Variants in TRIP12 observed in about 807,000 individuals in gnomAD.
TRIP12 encodes E3 ubiquitin-protein ligase TRIP12.
TRIP12 carries 25 observed loss-of-function variants against 244.2 expected under a neutral mutation model. The ratio of observed to expected loss-of-function variants is 0.10; its 90% CI spans 0.07 to 0.14. The LOEUF (loss-of-function observed/expected upper bound fraction) is 0.14. Among genes scored for constraint, TRIP12 ranks in the 10% least tolerant of loss-of-function variants. The probability of loss-of-function intolerance (pLI) is 1.00; values close to 1 mark genes in which losing one functional copy is unlikely to be tolerated. For synonymous variants in TRIP12, 905 were observed against 873.1 expected, an observed-to-expected ratio of 1.04 and a Z score of -0.64; for missense variants, 1,677 against 2,486.4, an observed-to-expected ratio of 0.67 and a Z score of 6.92.
At chr2:229,904,396 A>G (rs892922066) in intron 1 of TRIP12, among the ~76,000 whole-genome samples, 25 of 148,518 alleles carry the variant, frequency 1.7e-4, no homozygotes, top group African/African-American at 6.3e-4. Context: ...CCAGCCTGGG[A>G]AAGAGTGAGA....
At chr2:229,794,996 T>C (rs982602925) in intron 26 of TRIP12, 183 bp downstream of exon 26, 2 of 562,820 alleles carry the variant, frequency 3.6e-6, no homozygotes, top group South Asian at 3.1e-5. Flanking sequence ...TTAAGGCATA[T>C]GGTATAATTT....
intron 1 of TRIP12, among the ~76,000 whole-genome samples, chr2:229,914,853 C>T (rs2075070929): frequency 6.6e-6 from 1 of 152,056 alleles, no homozygotes; most frequent in Non-Finnish European, 1.5e-5. Context: ...GGTAATAACA[C>T]CATATTTATA....
At position 229,815,080 on chromosome 2, in the gene TRIP12, G is replaced by A. The variant is rs770778475; in HGVS notation, c.1731+19C>T. ...TCCCTATGCCTGCTTTTGAACAAAC[G>A]GGGTAAAAGTAGGATCACCTTTTCT... On this transcript the variant is annotated intron_variant, in intron 11 of 41. Coordinates refer to ENST00000675903, the MANE Select transcript of TRIP12 (RefSeq NM_001348323.3). The A allele has an allele frequency of 7.8e-5, 124 of 1,580,126 alleles. 2 individuals carry two copies. In the South Asian group the frequency reaches 9.6e-4, roughly 12 times the overall value.
chr2:229,798,742 A>C, intron 23 of TRIP12, 133 bp downstream of exon 23: 1 of 1,000,276 alleles, frequency 1.0e-6, no homozygotes. Context: ...CTAATTCTTG[A>C]ACTATGCTTT....
At position 229,886,581 on chromosome 2, in the gene TRIP12, C is replaced by T. The variant is rs376716247; in HGVS notation, c.-49-6453G>A. Among the ~76,000 whole-genome samples, 844 of 152,164 alleles carry T rather than the reference C, an allele frequency of 5.5e-3. 5 individuals are homozygous for T. Among genetic ancestry groups the T allele is most frequent in the Middle Eastern group, 0.014 (4 of 294 alleles). On this transcript the variant is annotated intron_variant, in intron 1 of 41. Transcript: ENST00000675903. ...GGTTCAAGCGATTCTTCTGCCTCACCTCAGCCTCCCGGGTAGCTGGGACTA... is the reference window on the plus strand; with the variant it reads ...GGTTCAAGCGATTCTTCTGCCTCACTTCAGCCTCCCGGGTAGCTGGGACTA...
chr2:229,809,144 T>C (rs935805847), intron 15 of TRIP12, among the ~76,000 whole-genome samples: 1 of 152,234 alleles, frequency 6.6e-6, no homozygotes, highest in Non-Finnish European at 1.5e-5. Context: ...TAAGTTCTGT[T>C]ATCAAGAAAA....
At chr2:229,797,344 G>A (rs2043068324) in intron 24 of TRIP12, among the ~76,000 whole-genome samples, 2 of 152,198 alleles carry the variant, frequency 1.3e-5, no homozygotes, top group Admixed American at 6.5e-5. Flanking sequence ...CCCATGTGAA[G>A]AGAGGGGCTA....
Position 229,798,882 on chromosome 2 carries a change from T to G in TRIP12, c.3475A>C (p.Asn1159His), listed in dbSNP as rs2043485544. 2 of 1,612,652 alleles carry G rather than the reference T, an allele frequency of 1.2e-6. No homozygotes were observed. Among genetic ancestry groups the G allele is most frequent in the Non-Finnish European group, 1.7e-6 (2 of 1,179,644 alleles). Residue 1159 changes from asparagine to histidine, a missense_variant, in exon 23 of 42, where the codon AAT (asparagine) becomes CAT (histidine). Physicochemically the swap from Asn to His is moderately conservative, Grantham distance 68. This residue lies in a region of TRIP12 where 572 missense variants were observed against 867.8 expected (regional missense o/e 0.66). Transcript: ENST00000675903. ...AAACTCCCCCCACTTCACCTATTAT[T>G]GGAGATGGTATCCTTTGAGGCAGCC... Reference protein sequence around the residue: ...ARAASKDTISNNREKIKGWIK... With the variant: ...ARAASKDTISHNREKIKGWIK...
Position 229,778,338 on chromosome 2 carries a change from T to C in TRIP12, c.5364+95A>G. ...ATGTGTATTGAAGTTTGAGAAGCATTGCTCTAAACTATAGCAGTAAACTAC... is the reference window on the plus strand; with the variant it reads ...ATGTGTATTGAAGTTTGAGAAGCATCGCTCTAAACTATAGCAGTAAACTAC... On this transcript the variant is annotated intron_variant, in intron 36 of 41. Coordinates refer to ENST00000675903, the MANE Select transcript of TRIP12 (RefSeq NM_001348323.3). The surrounding 1 kb of genome is among the most constrained non-coding windows in gnomAD (Gnocchi z 4.1). The C allele has an allele frequency of 6.9e-7, 1 of 1,441,936 alleles. No homozygotes were observed. Among genetic ancestry groups the C allele is most frequent in the South Asian group, 1.3e-5 (1 of 75,254 alleles). The allele number at this position is 1,441,936 out of a possible 1,614,324, so 89.3% of individuals were successfully genotyped here.
At chr2:229,850,583 C>G (rs1279652047) in intron 4 of TRIP12, among the ~76,000 whole-genome samples, 1 of 152,194 alleles carries the variant, frequency 6.6e-6, no homozygotes, top group African/African-American at 2.4e-5. Flanking sequence ...CGCTCGCTCT[C>G]GGCGCCTCCT....
At chr2:229,917,996 C>T (rs2154382658) in intron 1 of TRIP12, among the ~76,000 whole-genome samples, 1 of 152,250 alleles carries the variant, frequency 6.6e-6, no homozygotes, top group African/African-American at 2.4e-5. Flanking sequence ...TACCTTCACA[C>T]ATACCACATT....
intron 1 of TRIP12, among the ~76,000 whole-genome samples, chr2:229,887,095 A>G (rs2154359021): frequency 6.6e-6 from 1 of 152,350 alleles, no homozygotes; most frequent in East Asian, 1.9e-4. Context: ...AAAAAAAATC[A>G]AAATACTAGA....
intron 32 of TRIP12, among the ~76,000 whole-genome samples, chr2:229,788,293 A>T (rs1480426315): frequency 6.6e-6 from 1 of 152,190 alleles, no homozygotes; most frequent in African/African-American, 2.4e-5. Flanking sequence ...TCATTTTTAA[A>T]ATATGACCAC....
intron 9 of TRIP12, among the ~76,000 whole-genome samples, chr2:229,815,813 G>T (rs1362008072): frequency 6.6e-6 from 1 of 152,072 alleles, no homozygotes; most frequent in African/African-American, 2.4e-5. Context: ...CAGTAATATA[G>T]AATTTAAACA....
chr2:229,867,922 A>T (rs968235458), intron 2 of TRIP12, among the ~76,000 whole-genome samples: 1 of 152,226 alleles, frequency 6.6e-6, no homozygotes, highest in South Asian at 2.1e-4. Flanking sequence ...TAACACGGGT[A>T]CTACTAAGAA....
chr2:229,911,482 T>C (rs148587696), intron 1 of TRIP12, among the ~76,000 whole-genome samples: 3 of 152,344 alleles, frequency 2.0e-5, no homozygotes, highest in African/African-American at 7.2e-5. Context: ...TGTTAAAGGA[T>C]ATAAAACTGT....
At chr2:229,856,041 GAAAAA>G (rs34935047) in intron 4 of TRIP12, among the ~76,000 whole-genome samples, 1 of 97,246 alleles carries the variant, frequency 1.0e-5, no homozygotes, top group Non-Finnish European at 2.3e-5. Flanking sequence ...CTCTGTCTCA[GAAAAA>G]AAAAAAAAAA....
chr2:229,764,325 A>G lies in TRIP12; in HGVS notation c.*3229T>C, dbSNP rs1334858956. On this transcript the variant is annotated 3_prime_UTR_variant, in exon 42 of 42. Transcript: ENST00000675903. ...ACAAAAGCATTTCTCAGAGAATCAT[A>G]AATACAGAATATGACATTTCCAAAC... 2.0e-5 allele frequency: 3 copies of G among 152,214 alleles called. No homozygotes were observed. Among genetic ancestry groups the G allele is most frequent in the Non-Finnish European group, 4.4e-5 (3 of 68,038 alleles). The allele number at this position is 152,214 out of a possible 1,614,324, so 9.4% of individuals were successfully genotyped here. A position where few individuals can be genotyped will look rare whatever the true frequency, so the allele number is the denominator to read the frequency against.
intron 6 of TRIP12, among the ~76,000 whole-genome samples, chr2:229,832,892 T>G (rs2053822114): frequency 6.6e-6 from 1 of 152,228 alleles, no homozygotes; most frequent in African/African-American, 2.4e-5. Flanking sequence ...AAACTTATCT[T>G]AAGACTATTC....
Sources: gnomAD v4.1 joint callset for allele counts (sites outside exome capture counted in the v4.1 genomes callset) on GRCh38, gnomAD v4.1.1 for gene constraint, gnomAD v4.1.1 regional missense constraint, Gnocchi (gnomAD v3.1) non-coding constraint, MANE v1.5 for transcripts, NCBI Gene and HGNC (gene_info 2026-07-23, HGNC 2026-07-21) for gene names.